RBBP4: variants seen among roughly 807,000 people sequenced by gnomAD.
The protein encoded by RBBP4 is histone-binding protein RBBP4.
In RBBP4, 3 loss-of-function variants were observed where a neutral mutation model predicts 57.2. The ratio of observed to expected loss-of-function variants is 0.05; its 90% CI spans 0.02 to 0.14. The LOEUF is 0.14. Among genes scored for constraint, RBBP4 ranks in the 10% least tolerant of loss-of-function variants. The pLI is 1.00. For synonymous variants in RBBP4, 151 were observed against 171.5 expected, an observed-to-expected ratio of 0.88 and a Z score of 0.93; for missense variants, 107 against 520.6, an observed-to-expected ratio of 0.21 and a Z score of 7.73.
Position 32,674,344 on chromosome 1 carries a change from C to T in RBBP4, c.1212+1443C>T, listed in dbSNP as rs576148222. On this transcript the variant is annotated intron_variant, in intron 11 of 11. Transcript: ENST00000373493. ...CAATTCCCGGGCTCAAGACATCCTC[C>T]TACCTCAGCCTCCCTAGTAACTGGG... Among the ~76,000 whole-genome samples the T allele has an allele frequency of 2.9e-4, 44 of 152,214 alleles. No homozygotes were observed. The East Asian group carries it at 7.7e-3, about 27-fold the overall frequency.
chr1:32,674,697 C>CT (rs1318834775), intron 11 of RBBP4, among the ~76,000 whole-genome samples: 3 of 150,816 alleles, frequency 2.0e-5, no homozygotes, highest in African/African-American at 7.3e-5. Flanking sequence ...TTCATCAGTA[C>CT]TTTCTTACTT....
At chr1:32,673,440 C>T in intron 11 of RBBP4, 1 of 231,400 alleles carries the variant, frequency 4.3e-6, no homozygotes, top group African/African-American at 3.8e-5. Flanking sequence ...CTTAAATTTT[C>T]TCTTTTTTTT....
intron 11 of RBBP4, among the ~76,000 whole-genome samples, chr1:32,675,792 T>TA (rs745420794): frequency 2.1e-4 from 32 of 151,676 alleles, no homozygotes; most frequent in Non-Finnish European, 4.0e-4. Flanking sequence ...AAAATAAATT[T>TA]AAAAAGTATG....
intron 11 of RBBP4, among the ~76,000 whole-genome samples, chr1:32,675,848 T>C (rs1410019250): frequency 6.6e-6 from 1 of 152,094 alleles, no homozygotes; most frequent in East Asian, 1.9e-4. Context: ...CCAAATACTT[T>C]GGGAGGCCAA....
intron 3 of RBBP4, 109 bp from the exon 4 acceptor site, chr1:32,668,116 A>G: frequency 1.0e-6 from 1 of 996,396 alleles, no homozygotes; most frequent in Admixed American, 2.8e-5. Flanking sequence ...ATCTAGTATT[A>G]TGCCAGTTTG....
At chr1:32,658,662 T>A (rs1317475893) in intron 3 of RBBP4, among the ~76,000 whole-genome samples, 1 of 151,502 alleles carries the variant, frequency 6.6e-6, no homozygotes, top group Non-Finnish European at 1.5e-5. Context: ...TTCTCCTGCC[T>A]CAGCCTCCCA....
At chr1:32,660,588 A>AT (rs4011925) in intron 3 of RBBP4, among the ~76,000 whole-genome samples, 2,460 of 144,176 alleles carry the variant, frequency 0.017, 41 homozygotes, top group African/African-American at 0.043. Flanking sequence ...AGATAACTTA[A>AT]TTTTTTTTTT....
chr1:32,663,139 G>A (rs1570849170), intron 3 of RBBP4, among the ~76,000 whole-genome samples: 1 of 152,050 alleles, frequency 6.6e-6, no homozygotes, highest in East Asian at 1.9e-4. Context: ...AAATCACTAT[G>A]GTGGTTACCT....
rs1316669016 is a variant in RBBP4, at chr1:32,680,294, C to T, written c.*589C>T. On this transcript the variant is annotated 3_prime_UTR_variant, in exon 12 of 12. Coordinates refer to ENST00000373493, the MANE Select transcript of RBBP4 (RefSeq NM_005610.3). ...TATATTTTTGCTCGTTAGTGTATTT[C>T]TTGAGCTGTTTTCATGTTGTTTATT... 4.0e-6 allele frequency: 5 copies of T among 1,264,654 alleles called. No individual in the cohort carries two copies. In the African/African-American group the frequency reaches 6.7e-5, roughly 17 times the overall value. The allele number at this position is 1,264,654 out of a possible 1,614,324, so 78.3% of individuals were successfully genotyped here.
chr1:32,681,764 T>C lies in RBBP4; in HGVS notation c.*2059T>C. 1 of 1,610,342 alleles carries C rather than the reference T, an allele frequency of 6.2e-7. No homozygotes were observed. The highest frequency in any genetic ancestry group is 8.5e-7 in the Non-Finnish European group (1 of 1,176,938). On this transcript the variant is annotated 3_prime_UTR_variant, in exon 12 of 12. Coordinates refer to ENST00000373493, the MANE Select transcript of RBBP4 (RefSeq NM_005610.3). The stretch of plus-strand genomic sequence containing the variant: ...CAAGTTTCTGGCACTCTTGTCTGGT[T>C]GGAAGAGTACATCCAAAGGGTACTT...
intron 3 of RBBP4, among the ~76,000 whole-genome samples, chr1:32,666,367 T>A (rs1316420279): frequency 6.6e-6 from 1 of 152,044 alleles, no homozygotes; most frequent in African/African-American, 2.4e-5. Flanking sequence ...ACTTTATTTT[T>A]TTTTTTTTTG....
intron 2 of RBBP4, among the ~76,000 whole-genome samples, chr1:32,653,633 TCTGG>T (rs1217717374): frequency 9.5e-6 from 1 of 105,416 alleles, no homozygotes; most frequent in African/African-American, 3.2e-5. Flanking sequence ...TTTTTTGTTT[TCTGG>T]TTTTTTTTTT....
At chr1:32,675,434 A>G (rs1352633405) in intron 11 of RBBP4, among the ~76,000 whole-genome samples, 2 of 152,056 alleles carry the variant, frequency 1.3e-5, no homozygotes, top group African/African-American at 4.8e-5. Flanking sequence ...TTTTACCTCC[A>G]AATACCATCA....
At chr1:32,652,755 G>C (rs1007028166) in intron 2 of RBBP4, among the ~76,000 whole-genome samples, 7 of 152,102 alleles carry the variant, frequency 4.6e-5, no homozygotes, top group Non-Finnish European at 8.8e-5. Context: ...ATGTGGGACA[G>C]GCTGGTCTCC....
At chr1:32,654,453 A>G (rs1648046679) in intron 2 of RBBP4, among the ~76,000 whole-genome samples, 2 of 152,212 alleles carry the variant, frequency 1.3e-5, no homozygotes, top group Non-Finnish European at 2.9e-5. Flanking sequence ...CTATAGTCAT[A>G]TGCTAAATTG....
chr1:32,680,457 T>C lies in RBBP4; in HGVS notation c.*752T>C. 6.6e-7 allele frequency: 1 copy of C among 1,525,410 alleles called. No individual in the cohort carries two copies. The highest frequency in any genetic ancestry group is 8.8e-7 in the Non-Finnish European group (1 of 1,136,708). The allele number at this position is 1,525,410 out of a possible 1,614,324, so 94.5% of individuals were successfully genotyped here. A position where few individuals can be genotyped will look rare whatever the true frequency, so the allele number is the denominator to read the frequency against. ...AGGTAGACTGTCAAGTTGAGAAGAGTGAATCAATAACTTGTATTTGTTTTA... is the reference window on the plus strand; with the variant it reads ...AGGTAGACTGTCAAGTTGAGAAGAGCGAATCAATAACTTGTATTTGTTTTA... On this transcript the variant is annotated 3_prime_UTR_variant, in exon 12 of 12. Coordinates refer to ENST00000373493, the MANE Select transcript of RBBP4 (RefSeq NM_005610.3).
intron 3 of RBBP4, 38 bp downstream of exon 3, chr1:32,657,610 G>A (rs781322386): frequency 6.3e-7 from 1 of 1,598,366 alleles, no homozygotes; most frequent in African/African-American, 1.3e-5. Flanking sequence ...AAGATGTGTG[G>A]GTCATATCTG....
chr1:32,665,411 C>T (rs1008739675), intron 3 of RBBP4, among the ~76,000 whole-genome samples: 6 of 152,128 alleles, frequency 3.9e-5, no homozygotes, highest in Non-Finnish European at 8.8e-5. Context: ...GGCCCAGTGG[C>T]TCTCTCCTGT....
Position 32,683,884 on chromosome 1 carries a change from C to T in RBBP4, c.*4179C>T. On this transcript the variant is annotated 3_prime_UTR_variant, in exon 12 of 12. Coordinates refer to ENST00000373493, the MANE Select transcript of RBBP4 (RefSeq NM_005610.3). ...CTGACTCCAGGTGATCCACCCTCCT[C>T]AGCCTCCCAAAGTGCTAGGATTACA... 6.8e-6 allele frequency: 6 copies of T among 877,114 alleles called. No homozygotes were observed. Among genetic ancestry groups the T allele is most frequent in the South Asian group, 1.6e-5 (1 of 63,392 alleles). The allele number at this position is 877,114 out of a possible 1,614,324, so 54.3% of individuals were successfully genotyped here.
Sources: gnomAD v4.1 joint callset for allele counts (sites outside exome capture counted in the v4.1 genomes callset) on GRCh38, gnomAD v4.1.1 for gene constraint, MANE v1.5 for transcripts, NCBI Gene and HGNC (gene_info 2026-07-23, HGNC 2026-07-21) for gene names.